The following NFIA variants were observed in gnomAD, a reference collection of about 807,000 sequenced individuals.
NFIA encodes the protein nuclear factor I A, also known as nuclear factor 1 A-type.
A neutral mutation model predicts 62.8 loss-of-function variants in NFIA; 8 were observed. The ratio of observed to expected loss-of-function variants is 0.13; its 90% CI spans 0.07 to 0.23. The LOEUF (loss-of-function observed/expected upper bound fraction) is 0.23, where lower values mean the gene tolerates loss of function less well. Ranked by LOEUF, NFIA falls within the 10% of genes least tolerant of loss-of-function variation. The probability of loss-of-function intolerance (pLI) is 1.00; values close to 1 mark genes in which losing one functional copy is unlikely to be tolerated. For synonymous variants in NFIA, 235 were observed against 238.1 expected (o/e 0.99, Z 0.12); for missense variants, 410 against 642.1 (o/e 0.64, Z 3.91).
chr1:61,395,979 G>A (rs1665248550), intron 7 of NFIA, among the ~76,000 whole-genome samples: 1 of 152,086 alleles, frequency 6.6e-6, no homozygotes, highest in Non-Finnish European at 1.5e-5. Flanking sequence ...TTATGGATCA[G>A]TTGTACTATT....
Position 61,113,454 on chromosome 1 carries a change from C to T in NFIA, c.559+24774C>T, listed in dbSNP as rs910764684. On this transcript the variant is annotated intron_variant, in intron 2 of 10. Coordinates refer to ENST00000403491, the MANE Select transcript of NFIA (RefSeq NM_001134673.4). Reference sequence around the variant, plus strand: ...CTAAAAATACAAAAAAATTACTAGGCATGGTGGCAGGCACCTGTAATCCCA... The same window carrying T: ...CTAAAAATACAAAAAAATTACTAGGTATGGTGGCAGGCACCTGTAATCCCA... Among the ~76,000 whole-genome samples, 84 of 151,864 alleles carry T rather than the reference C, an allele frequency of 5.5e-4. 1 individual carries two copies. Among genetic ancestry groups the T allele is most frequent in the African/African-American group, 2.0e-3 (81 of 41,396 alleles).
At chr1:61,334,023 C>G (rs1021683892) in intron 4 of NFIA, among the ~76,000 whole-genome samples, 11 of 152,064 alleles carry the variant, frequency 7.2e-5, no homozygotes, top group African/African-American at 2.4e-4. Flanking sequence ...ACAAAAAATT[C>G]AAATAGCGGA....
rs564923203 is a variant in NFIA at position 61,155,547 on chromosome 1, C to T, written c.559+66867C>T. ...AATTAGCCGGGCGCGGTGGTGGGTG[C>T]CTGTAGTCCCAGCTACTCAGGAGGC... On this transcript the variant is annotated intron_variant, in intron 2 of 10. Transcript: ENST00000403491. Among the ~76,000 whole-genome samples, 254 of 151,912 alleles carry T rather than the reference C, an allele frequency of 1.7e-3. 1 individual carries two copies. The highest frequency in any genetic ancestry group is 3.1e-3 in the Non-Finnish European group (209 of 67,960).
At chr1:61,424,013 A>G (rs905287375) in intron 9 of NFIA, among the ~76,000 whole-genome samples, 2 of 151,836 alleles carry the variant, frequency 1.3e-5, no homozygotes, top group Admixed American at 1.3e-4. Flanking sequence ...ATATATATAA[A>G]TGCAAACCCC....
At chr1:61,256,278 C>CA (rs1035462070) in intron 2 of NFIA, among the ~76,000 whole-genome samples, 18 of 151,150 alleles carry the variant, frequency 1.2e-4, no homozygotes, top group Middle Eastern at 6.8e-3. Context: ...ACTAAAAATA[C>CA]AAAAAAAATT....
chr1:61,186,684 A>G (rs1301078588), intron 2 of NFIA, among the ~76,000 whole-genome samples: 1 of 152,244 alleles, frequency 6.6e-6, no homozygotes, highest in Non-Finnish European at 1.5e-5. Flanking sequence ...CTTTTTAGGT[A>G]AAAATATGTC....
intron 2 of NFIA, among the ~76,000 whole-genome samples, chr1:61,110,488 A>G (rs1646677630): frequency 1.3e-5 from 2 of 152,054 alleles, no homozygotes; most frequent in African/African-American, 4.8e-5. Context: ...CACACGTATC[A>G]GTATAGAAAA....
chr1:61,234,992 G>T (rs912861132), intron 2 of NFIA, among the ~76,000 whole-genome samples: 17 of 152,082 alleles, frequency 1.1e-4, no homozygotes, highest in African/African-American at 4.1e-4. Flanking sequence ...TTCCTGGTAG[G>T]TCCTGTCTTG....
intron 2 of NFIA, among the ~76,000 whole-genome samples, chr1:61,125,909 A>G (rs17304686): frequency 0.042 from 6,358 of 152,264 alleles, 181 homozygotes; most frequent in Non-Finnish European, 0.063. Context: ...GCCTCTGCTT[A>G]AATACTTCCA....
intron 8 of NFIA, among the ~76,000 whole-genome samples, chr1:61,405,221 T>C (rs149085044): frequency 6.6e-6 from 1 of 152,352 alleles, no homozygotes; most frequent in Admixed American, 6.5e-5. Flanking sequence ...TCTGGTGATG[T>C]GTTAGCAGAT....
intron 7 of NFIA, among the ~76,000 whole-genome samples, chr1:61,391,036 GTTTGTTTA>G (rs747714057): frequency 8.9e-5 from 13 of 145,360 alleles, no homozygotes; most frequent in Non-Finnish European, 1.4e-4. Context: ...TATTTGATTT[GTTTGTTTA>G]TTTGTTTGTT....
intron 2 of NFIA, among the ~76,000 whole-genome samples, chr1:61,167,058 A>G (rs762368743): frequency 3.9e-5 from 6 of 152,106 alleles, no homozygotes; most frequent in Non-Finnish European, 8.8e-5. Context: ...GGGGAATGGC[A>G]TGAACCCAGG....
In NFIA at chr1:61,088,505, G is replaced by A. The variant is rs775115982; in HGVS notation, c.384G>A (p.Arg128=). The A allele has an allele frequency of 8.7e-6, 14 of 1,614,004 alleles. No homozygotes were observed. In the African/African-American group the frequency reaches 1.6e-4, roughly 18 times the overall value. ...DCLRQADKVW[R]LDLVMVILFK... The stretch of plus-strand genomic sequence containing the variant: ...TCCGCCAGGCAGATAAAGTCTGGAG[G>A]TTGGACCTTGTTATGGTGATTTTGT... Residue 128 remains arginine (R), a synonymous_variant, in exon 2 of 11, where the codon AGG becomes AGA. Coordinates refer to ENST00000403491, the MANE Select transcript of NFIA (RefSeq NM_001134673.4). This position sits in a 1 kb window ranked among gnomAD's most constrained non-coding sequence, Gnocchi z 4.5.
At chr1:61,367,025 A>T (rs1359200220) in intron 6 of NFIA, among the ~76,000 whole-genome samples, 3 of 152,220 alleles carry the variant, frequency 2.0e-5, no homozygotes, top group Admixed American at 2.0e-4. Context: ...CTGTCAAAGA[A>T]TATTTCGGTA....
chr1:61,094,994 A>T (rs539876514), intron 2 of NFIA, among the ~76,000 whole-genome samples: 2 of 152,330 alleles, frequency 1.3e-5, no homozygotes, highest in South Asian at 4.1e-4. Context: ...TGAGAAAAAG[A>T]AGTTCATTTG....
At chr1:61,360,115 C>G (rs1214335023) in intron 6 of NFIA, among the ~76,000 whole-genome samples, 4 of 152,162 alleles carry the variant, frequency 2.6e-5, no homozygotes, top group Non-Finnish European at 5.9e-5. Flanking sequence ...TGGAACAACT[C>G]TCTTTATTCT....
chr1:61,340,771 T>C (rs1201636851), intron 4 of NFIA, among the ~76,000 whole-genome samples: 1 of 152,070 alleles, frequency 6.6e-6, no homozygotes, highest in Non-Finnish European at 1.5e-5. Context: ...CAACCAATTA[T>C]TAGAAGAGCC....
At position 61,383,322 on chromosome 1, in the gene NFIA, G is replaced by A. The variant is rs1202750294; in HGVS notation, c.1032G>A (p.Thr344=). The A allele has an allele frequency of 8.1e-6, 13 of 1,613,952 alleles. No individual in the cohort carries two copies. The highest frequency in any genetic ancestry group is 2.2e-5 in the East Asian group (1 of 44,878). The change falls in exon 7 of 11, where the codon ACG becomes ACA. Residue 344 remains threonine, a synonymous_variant. Transcript: ENST00000403491. The part of the protein sequence containing the change: ...PSPSQTSSLG[T]AFTQHHRPVI... ...CTTCACAGACCTCCTCCCTGGGAAC[G>A]GCGTTCACACAGCATCACCGACCTG...
intron 2 of NFIA, among the ~76,000 whole-genome samples, chr1:61,154,944 A>G (rs935114855): frequency 6.6e-6 from 1 of 152,190 alleles, no homozygotes; most frequent in East Asian, 1.9e-4. Flanking sequence ...TAGTGTCTAC[A>G]TTGTTGCTAA....
Sources: allele counts gnomAD v4.1 joint callset (sites outside exome capture counted in the v4.1 genomes callset), GRCh38; gene constraint gnomAD v4.1.1; non-coding constraint Gnocchi (gnomAD v3.1); transcripts MANE v1.5; gene names NCBI Gene and HGNC (gene_info 2026-07-23, HGNC 2026-07-21).